MND1: variants seen among roughly 807,000 people sequenced by gnomAD.
MND1 encodes meiotic nuclear divisions 1.
MND1 carries 28 observed loss-of-function variants against 35.1 expected under a neutral mutation model. The observed-to-expected ratio is 0.80, with a 90% confidence interval of 0.59 to 1.09. MND1 has a LOEUF of 1.09. Among genes scored for constraint, MND1 ranks in the 50% least tolerant of loss-of-function variants. The pLI is 0.00. For missense variants in MND1, 213 were observed against 239.6 expected (o/e 0.89, Z 0.73); for synonymous variants, 69 against 70.5 (o/e 0.98, Z 0.11).
chr4:153,386,214 A>G (rs773329598), intron 4 of MND1, among the ~76,000 whole-genome samples: 1 of 150,966 alleles, frequency 6.6e-6, no homozygotes, highest in Non-Finnish European at 1.5e-5. Context: ...GAATGAGTCC[A>G]GGCTTGGTGT....
At chr4:153,409,120 T>A in intron 7 of MND1, 105 bp downstream of exon 7, 1 of 524,254 alleles carries the variant, frequency 1.9e-6, no homozygotes, top group Non-Finnish European at 3.0e-6. Flanking sequence ...GAAAGGACGT[T>A]AATGAAAAAT....
chr4:153,353,964 C>T (rs1013202114), intron 2 of MND1, among the ~76,000 whole-genome samples: 18 of 152,228 alleles, frequency 1.2e-4, no homozygotes, highest in African/African-American at 4.1e-4. Flanking sequence ...AAATGATCCA[C>T]CCGCCTCAGC....
chr4:153,350,658 TCTC>T (rs778146306), intron 2 of MND1, among the ~76,000 whole-genome samples: 1 of 152,178 alleles, frequency 6.6e-6, no homozygotes, highest in Non-Finnish European at 1.5e-5. Flanking sequence ...TAAAGTTTCA[TCTC>T]CTAAGTGAAG....
chr4:153,373,871 T>G (rs1728400078), intron 4 of MND1, among the ~76,000 whole-genome samples: 1 of 152,146 alleles, frequency 6.6e-6, no homozygotes, highest in African/African-American at 2.4e-5. Context: ...TAAACCTACT[T>G]TAATCTTTCA....
chr4:153,395,248 G>T (rs1184581823), intron 5 of MND1, among the ~76,000 whole-genome samples: 1 of 152,214 alleles, frequency 6.6e-6, no homozygotes, highest in African/African-American at 2.4e-5. Context: ...GTTGACAGTA[G>T]CAACTACTAC....
Position 153,355,724 on chromosome 4 carries a change from G to T in MND1, c.127+13G>T, listed in dbSNP as rs1773323128. 6 of 1,510,612 alleles carry T rather than the reference G, an allele frequency of 4.0e-6. No individual in the cohort carries two copies. The African/African-American group carries it at 8.3e-5, about 21-fold the overall frequency. The allele number at this position is 1,510,612 out of a possible 1,614,324, so 93.6% of individuals were successfully genotyped here. On this transcript the variant is annotated intron_variant, in intron 3 of 7. Transcript: ENST00000240488. The stretch of plus-strand genomic sequence containing the variant: ...GAGAAAGGCATTAGTAAGTACCAAA[G>T]TTATACTGGAATGTTTTGGGAAATA...
At chr4:153,378,134 C>T (rs1332952409) in intron 4 of MND1, among the ~76,000 whole-genome samples, 1 of 152,156 alleles carries the variant, frequency 6.6e-6, no homozygotes, top group African/African-American at 2.4e-5. Flanking sequence ...CAATATATCA[C>T]AGCCTTGTTT....
At chr4:153,374,501 C>T (rs1217739248) in intron 4 of MND1, among the ~76,000 whole-genome samples, 4 of 152,132 alleles carry the variant, frequency 2.6e-5, no homozygotes, top group Non-Finnish European at 4.4e-5. Context: ...CCACTCAGTT[C>T]ATGTTGGATT....
intron 4 of MND1, among the ~76,000 whole-genome samples, chr4:153,387,025 G>A (rs112162444): frequency 6.6e-6 from 1 of 152,108 alleles, no homozygotes; most frequent in African/African-American, 2.4e-5. Context: ...AATCTTTTGA[G>A]AATATATTCA....
chr4:153,380,106 T>C (rs1294775449), intron 4 of MND1, among the ~76,000 whole-genome samples: 1 of 151,992 alleles, frequency 6.6e-6, no homozygotes, highest in Non-Finnish European at 1.5e-5. Flanking sequence ...CTAATTACTG[T>C]GGACATTTTT....
intron 4 of MND1, among the ~76,000 whole-genome samples, chr4:153,360,617 T>TATAC (rs1773459277): frequency 6.7e-6 from 1 of 148,778 alleles, no homozygotes; most frequent in African/African-American, 2.5e-5. Flanking sequence ...TATATATATA[T>TATAC]ACACATAAAA....
chr4:153,387,431 T>G (rs531255043), intron 4 of MND1, among the ~76,000 whole-genome samples: 3 of 152,234 alleles, frequency 2.0e-5, no homozygotes, highest in African/African-American at 7.2e-5. Flanking sequence ...TTAAATGGAA[T>G]ATTACCTTTA....
chr4:153,350,132 A>G lies in MND1; in HGVS notation c.69+3A>G. The stretch of plus-strand genomic sequence containing the variant: ...TGATGGAAATATTTTCTGAAACAGT[A>G]AGTCATTTTCTTTAACACTTATAAT... On this transcript the variant is annotated splice_donor_region_variant and intron_variant, in intron 2 of 7. Transcript: ENST00000240488. 6.2e-7 allele frequency: 1 copy of G among 1,600,322 alleles called. No homozygotes were observed. The highest frequency in any genetic ancestry group is 1.1e-5 in the South Asian group (1 of 89,016).
At chr4:153,344,845 G>C in intron 1 of MND1, 105 bp downstream of exon 1, 1 of 1,512,218 alleles carries the variant, frequency 6.6e-7, no homozygotes, top group Non-Finnish European at 8.9e-7. Flanking sequence ...CCGCCATTCC[G>C]GGCCGCGGGA....
At position 153,414,869 on chromosome 4, in the gene MND1, G is replaced by A. The variant is rs761891703; in HGVS notation, c.*12G>A. On this transcript the variant is annotated 3_prime_UTR_variant, in exon 8 of 8. Transcript: ENST00000240488. The stretch of plus-strand genomic sequence containing the variant: ...ACTACATAGACTAAAATATTCCATG[G>A]TGGTGAAGGATGTACAAGCTTGTGA... The A allele has an allele frequency of 8.5e-7, 1 of 1,177,466 alleles. No individual in the cohort carries two copies. Among genetic ancestry groups the A allele is most frequent in the Non-Finnish European group, 1.2e-6 (1 of 826,858 alleles). The allele number at this position is 1,177,466 out of a possible 1,614,324, so 72.9% of individuals were successfully genotyped here. A position where few individuals can be genotyped will look rare whatever the true frequency, so the allele number is the denominator to read the frequency against.
At chr4:153,355,587 A>T (rs1156489051) in intron 2 of MND1, 67 bp from the exon 3 acceptor site, 1 of 1,052,866 alleles carries the variant, frequency 9.5e-7, no homozygotes, top group African/African-American at 1.6e-5. Context: ...AAAATTTTTA[A>T]AAATGAAAAT....
chr4:153,411,187 A>T (rs1224712036), intron 7 of MND1, among the ~76,000 whole-genome samples: 1 of 152,162 alleles, frequency 6.6e-6, no homozygotes, highest in Non-Finnish European at 1.5e-5. Context: ...AATAATTAAG[A>T]TGGTGAGGTT....
chr4:153,391,461 T>TA (rs1729031384), intron 4 of MND1, among the ~76,000 whole-genome samples: 2 of 152,084 alleles, frequency 1.3e-5, no homozygotes, highest in East Asian at 1.9e-4. Flanking sequence ...TGTGGTGGCT[T>TA]ACGCCTGTGA....
intron 3 of MND1, among the ~76,000 whole-genome samples, chr4:153,357,856 T>C (rs1407356486): frequency 6.6e-6 from 1 of 152,192 alleles, no homozygotes; most frequent in Non-Finnish European, 1.5e-5. Flanking sequence ...TTCTGCAGTA[T>C]AAGATGATGG....
Sources: allele counts gnomAD v4.1 joint callset (sites outside exome capture counted in the v4.1 genomes callset), GRCh38; gene constraint gnomAD v4.1.1; transcripts MANE v1.5; gene names NCBI Gene and HGNC (gene_info 2026-07-23, HGNC 2026-07-21).